The following ARHGAP32 variants were observed in gnomAD, a reference collection of about 807,000 sequenced individuals.
ARHGAP32 encodes the protein rho GTPase-activating protein 32.
Under a neutral mutation model 186.5 loss-of-function variants are expected in ARHGAP32, and 51 were observed. The observed-to-expected ratio is 0.27, with a 90% CI of 0.22 to 0.35. ARHGAP32 has a LOEUF of 0.35. ARHGAP32 is among the 10% of genes least tolerant of loss of function. ARHGAP32 has a pLI of 1.00. For missense variants in ARHGAP32, 2,186 were observed against 2,623.5 expected (o/e 0.83, Z 3.64); for synonymous variants, 950 against 964.3 (o/e 0.99, Z 0.27).
intron 10 of ARHGAP32, among the ~76,000 whole-genome samples, chr11:129,057,459 C>T (rs137887264): frequency 6.6e-6 from 1 of 152,172 alleles, no homozygotes; most frequent in Non-Finnish European, 1.5e-5. Flanking sequence ...GACTGGTTGA[C>T]ATCTATTATG....
At chr11:129,025,760 C>T (rs1938811451) in intron 11 of ARHGAP32, among the ~76,000 whole-genome samples, 1 of 151,220 alleles carries the variant, frequency 6.6e-6, no homozygotes, top group African/African-American at 2.4e-5. Flanking sequence ...ATACTTAGAA[C>T]AATCTGTAAG....
At chr11:129,244,539 A>ATTTT (rs1945062713) in intron 1 of ARHGAP32, among the ~76,000 whole-genome samples, 1 of 152,228 alleles carries the variant, frequency 6.6e-6, no homozygotes, top group Non-Finnish European at 1.5e-5. Context: ...AGGCATGGGC[A>ATTTT]AGAACTTCAT....
At chr11:129,113,897 C>T (rs971832269) in intron 5 of ARHGAP32, among the ~76,000 whole-genome samples, 5 of 152,050 alleles carry the variant, frequency 3.3e-5, no homozygotes, top group African/African-American at 1.2e-4. Context: ...ACCTAATCGC[C>T]CTAGATTCTG....
chr11:129,272,306 A>G (rs1439378835), intron 1 of ARHGAP32, among the ~76,000 whole-genome samples: 1 of 152,226 alleles, frequency 6.6e-6, no homozygotes, highest in African/African-American at 2.4e-5. Context: ...CCACAAGATC[A>G]TCTAAAAATC....
chr11:129,057,222 A>C (rs1371378495), intron 10 of ARHGAP32, among the ~76,000 whole-genome samples: 2 of 152,120 alleles, frequency 1.3e-5, no homozygotes, highest in African/African-American at 4.8e-5. Context: ...TCCTCTAGGA[A>C]GCCCTCCTGC....
At chr11:129,223,581 T>G (rs958320308) in intron 1 of ARHGAP32, among the ~76,000 whole-genome samples, 1 of 152,328 alleles carries the variant, frequency 6.6e-6, no homozygotes, top group Non-Finnish European at 1.5e-5. Context: ...GTGGAAAAGA[T>G]GTTTGCTTAC....
chr11:128,980,795 G>T, intron 17 of ARHGAP32, 47 bp from the exon 18 acceptor site: 1 of 1,390,004 alleles, frequency 7.2e-7, no homozygotes, highest in Non-Finnish European at 1.0e-6. Flanking sequence ...CTACGTGAGT[G>T]TATTCAATTT....
intron 15 of ARHGAP32, among the ~76,000 whole-genome samples, chr11:128,982,598 G>A (rs570225994): frequency 1.8e-4 from 27 of 151,968 alleles, no homozygotes; most frequent in African/African-American, 5.8e-4. Context: ...AACTACTAAA[G>A]ACAACGGGCT....
rs1267456920 is a variant in ARHGAP32, at chr11:129,117,965, G to T, written c.444+5481C>A. 3.9e-5 allele frequency among the ~76,000 whole-genome samples: 6 copies of T among 152,022 alleles called. No homozygotes were observed. In the East Asian group the frequency reaches 1.2e-3, roughly 29 times the overall value. Reference sequence around the variant, plus strand: ...AAATAAGTGCAGTAACAATAAATTTGCAGAATTTTAAACTACATGTGGCTT... The same window carrying T: ...AAATAAGTGCAGTAACAATAAATTTTCAGAATTTTAAACTACATGTGGCTT... On this transcript the variant is annotated intron_variant, in intron 5 of 22. Transcript: ENST00000682385.
At chr11:128,973,909 T>C (rs1729697000) in intron 21 of ARHGAP32, 1 of 579,692 alleles carries the variant, frequency 1.7e-6, no homozygotes, top group African/African-American at 1.9e-5. Flanking sequence ...AAGGGGACTT[T>C]TGTGAAGATT....
intron 1 of ARHGAP32, among the ~76,000 whole-genome samples, chr11:129,212,255 T>C (rs1944590322): frequency 6.6e-6 from 1 of 152,188 alleles, no homozygotes. Flanking sequence ...GGTCTGTTCA[T>C]TAGCCATATA....
At chr11:129,203,718 C>CAAAAAAAAAAAAA (rs375747287) in intron 1 of ARHGAP32, among the ~76,000 whole-genome samples, 1 of 81,598 alleles carries the variant, frequency 1.2e-5, no homozygotes, top group Non-Finnish European at 2.4e-5. Context: ...CTTGTCTCTA[C>CAAAAAAAAAAAAA]AAAAAAAAAA....
chr11:129,218,843 G>A (rs1944678015), intron 1 of ARHGAP32, among the ~76,000 whole-genome samples: 2 of 152,182 alleles, frequency 1.3e-5, no homozygotes, highest in African/African-American at 4.8e-5. Flanking sequence ...TCTCCAGGAA[G>A]CAGACTCTGA....
At chr11:129,197,425 G>GT (rs1167071100) in intron 1 of ARHGAP32, among the ~76,000 whole-genome samples, 1 of 152,000 alleles carries the variant, frequency 6.6e-6, no homozygotes, top group Non-Finnish European at 1.5e-5. Context: ...CATAATAATT[G>GT]TTTTTTTCAA....
At chr11:129,206,378 G>C (rs535873398) in intron 1 of ARHGAP32, among the ~76,000 whole-genome samples, 2 of 152,048 alleles carry the variant, frequency 1.3e-5, no homozygotes, top group East Asian at 3.9e-4. Context: ...TGCCTGGCTA[G>C]TTTTTAAATA....
At chr11:129,256,824 G>T (rs549616172) in intron 1 of ARHGAP32, among the ~76,000 whole-genome samples, 6 of 152,270 alleles carry the variant, frequency 3.9e-5, no homozygotes, top group African/African-American at 1.2e-4. Context: ...CTCACGAAAT[G>T]TAAGTTCAGA....
chr11:129,032,307 C>G (rs1295031583), intron 11 of ARHGAP32, among the ~76,000 whole-genome samples: 1 of 152,226 alleles, frequency 6.6e-6, no homozygotes, highest in East Asian at 1.9e-4. Flanking sequence ...CAGAGGTGCT[C>G]ATCCTTGCCT....
chr11:129,266,086 T>G (rs141901702), intron 1 of ARHGAP32, among the ~76,000 whole-genome samples: 45 of 152,186 alleles, frequency 3.0e-4, no homozygotes, highest in African/African-American at 8.4e-4. Context: ...AAAATGTAAT[T>G]TCCTACAAGC....
At position 129,064,705 on chromosome 11, in the gene ARHGAP32, T is replaced by C; in HGVS notation, c.762+136A>G. 6 of 626,922 alleles carry C rather than the reference T, an allele frequency of 9.6e-6. No homozygotes were observed. In the Admixed American group the frequency reaches 1.5e-4, roughly 15 times the overall value. The allele number at this position is 626,922 out of a possible 1,614,324, so 38.8% of individuals were successfully genotyped here. A position where few individuals can be genotyped will look rare whatever the true frequency, so the allele number is the denominator to read the frequency against. Reference sequence around the variant, plus strand: ...AAATATTTCGTGTATCACGTATCTATCCTCCCAGATGCTGAGAATATACTT... The same window carrying C: ...AAATATTTCGTGTATCACGTATCTACCCTCCCAGATGCTGAGAATATACTT... On this transcript the variant is annotated intron_variant, in intron 8 of 22. Transcript: ENST00000682385.
Sources: allele counts gnomAD v4.1 joint callset (sites outside exome capture counted in the v4.1 genomes callset), GRCh38; gene constraint gnomAD v4.1.1; transcripts MANE v1.5; gene names NCBI Gene and HGNC (gene_info 2026-07-23, HGNC 2026-07-21).